The following GPRC5A variants were observed in gnomAD, a reference collection of about 807,000 sequenced individuals.
The protein encoded by GPRC5A is G protein-coupled receptor class C group 5 member A.
In GPRC5A, 19 loss-of-function variants were observed where a neutral mutation model predicts 22.5. The observed-to-expected ratio is 0.85, with a 90% CI of 0.59 to 1.24. The LOEUF (loss-of-function observed/expected upper bound fraction) is 1.24, where lower values mean the gene tolerates loss of function less well. Among genes scored for constraint, GPRC5A ranks in the 50% most tolerant of loss-of-function variants. GPRC5A has a pLI of 0.00. For synonymous variants in GPRC5A, 192 were observed against 184.5 expected, an observed-to-expected ratio of 1.04 and a Z score of -0.33; for missense variants, 471 against 451.1, an observed-to-expected ratio of 1.04 and a Z score of -0.40.
At position 12,914,589 on chromosome 12, in the gene GPRC5A, T is replaced by TTTCTTTCTTTCTTTCTTTCC. The variant is rs1565466570; in HGVS notation, c.*2058_*2059insTTCTTTCTTTCCTTCTTTCT. The TTTCTTTCTTTCTTTCTTTCC allele has an allele frequency of 1.0e-5, 1 of 97,648 alleles. No homozygotes were observed. Among genetic ancestry groups the TTTCTTTCTTTCTTTCTTTCC allele is most frequent in the Non-Finnish European group, 1.9e-5 (1 of 52,926 alleles). The allele number at this position is 97,648 out of a possible 1,614,324, so 6.0% of individuals were successfully genotyped here. On this transcript the variant is annotated 3_prime_UTR_variant, in exon 4 of 4. Transcript: ENST00000014914. ...CTTTCTTTCTTTCTTTCTTTCTTTC[T>TTTCTTTCTTTCTTTCTTTCC]TTCTTTCTCTCTCTCTCTCTCTCTC...
chr12:12,912,794 C>G lies in GPRC5A; in HGVS notation c.*255C>G. The G allele has an allele frequency of 4.4e-6, 2 of 454,660 alleles. No individual in the cohort carries two copies. The highest frequency in any genetic ancestry group is 7.7e-6 in the Non-Finnish European group (2 of 259,124). 28.2% of individuals were successfully genotyped at this position (454,660 alleles called of 1,614,324 possible). Reference sequence around the variant, plus strand: ...TTGGATACTTCTTTTAAGTGGGAGTCTCAGGCAACTCAAGTTTAGACCCTT... The same window carrying G: ...TTGGATACTTCTTTTAAGTGGGAGTGTCAGGCAACTCAAGTTTAGACCCTT... On this transcript the variant is annotated 3_prime_UTR_variant, in exon 4 of 4. Transcript: ENST00000014914.
chr12:12,908,757 G>A lies in GPRC5A; in HGVS notation c.508G>A (p.Ala170Thr), dbSNP rs748990419. 25 of 1,614,100 alleles carry A rather than the reference G, an allele frequency of 1.5e-5. No homozygotes were observed. Among genetic ancestry groups the A allele is most frequent in the Middle Eastern group, 1.6e-4 (1 of 6,062 alleles). ...CGTCAATGTCTTTTCTGAGCTTTCC[G>A]CTCCTCGTCGCAATGAAGACTTTGT... ...TNVNVFSELS[A>T]PRRNEDFVLL... is the part of the protein sequence containing the mutation. Residue 170 changes from alanine to threonine, a missense_variant, in exon 2 of 4, where the codon GCT becomes ACT. Coordinates refer to ENST00000014914, the MANE Select transcript of GPRC5A (RefSeq NM_003979.4).
rs1864082199 is a variant in GPRC5A at position 12,917,913 on chromosome 12, T to C, written c.*5374T>C. 6.6e-6 allele frequency: 1 copy of C among 152,102 alleles called. No individual in the cohort carries two copies. The highest frequency in any genetic ancestry group is 2.4e-5 in the African/African-American group (1 of 41,358). 9.4% of individuals were successfully genotyped at this position (152,102 alleles called of 1,614,324 possible). A position where few individuals can be genotyped will look rare whatever the true frequency, so the allele number is the denominator to read the frequency against. On this transcript the variant is annotated 3_prime_UTR_variant, in exon 4 of 4. Transcript: ENST00000014914. ...TATTTTCTAATCAGAGACAATAACA[T>C]TTTAAATAAAACAACGACAAAGAAG...
At position 12,909,140 on chromosome 12, in the gene GPRC5A, CAG is replaced by C; in HGVS notation, c.894_895del (p.Arg298SerfsTer12). On this transcript the variant is annotated frameshift_variant, in exon 2 of 4. Coordinates refer to ENST00000014914, the MANE Select transcript of GPRC5A (RefSeq NM_003979.4). LOFTEE classifies it high-confidence loss of function. ...TGAAGAAGAGCTATGGTGTGGAGAACAGAGCCTACTCTCAAGAGGAAATCACT... is the reference window on the plus strand; with the variant it reads ...TGAAGAAGAGCTATGGTGTGGAGAACAGCCTACTCTCAAGAGGAAATCACT... ...LVKKSYGVEN[R>X]AYSQEEITQG... 1 of 1,596,632 alleles carries C rather than the reference CAG, an allele frequency of 6.3e-7. No individual in the cohort carries two copies. Among genetic ancestry groups the C allele is most frequent in the Non-Finnish European group, 8.5e-7 (1 of 1,177,720 alleles).
chr12:12,901,282 C>T (rs1414268210), intron 1 of GPRC5A, among the ~76,000 whole-genome samples: 1 of 152,150 alleles, frequency 6.6e-6, no homozygotes, highest in Non-Finnish European at 1.5e-5. Context: ...AGGATTCATG[C>T]TTTCCTGGGA....
chr12:12,908,177 C>T (rs1863962094), intron 1 of GPRC5A, 66 bp from the exon 2 acceptor site: 2 of 1,108,606 alleles, frequency 1.8e-6, no homozygotes, highest in Non-Finnish European at 2.6e-6. Flanking sequence ...TTTTAGTCTT[C>T]TGTGTCTGAG....
At position 12,914,572 on chromosome 12, in the gene GPRC5A, C is replaced by CTTT. The variant is rs1565466548; in HGVS notation, c.*2034_*2036dup. ...TTCTTCTTTCTTTCTTTCTTTCTTT[C>CTTT]TTTCTTTCTTTCTTTCTTTCTTTCT... On this transcript the variant is annotated 3_prime_UTR_variant, in exon 4 of 4. Coordinates refer to ENST00000014914, the MANE Select transcript of GPRC5A (RefSeq NM_003979.4). 2.6e-5 allele frequency: 2 copies of CTTT among 77,210 alleles called. No individual in the cohort carries two copies. Among genetic ancestry groups the CTTT allele is most frequent in the African/African-American group, 1.6e-4 (2 of 12,330 alleles). 4.8% of individuals were successfully genotyped at this position (77,210 alleles called of 1,614,324 possible). A position where few individuals can be genotyped will look rare whatever the true frequency, so the allele number is the denominator to read the frequency against.
intron 1 of GPRC5A, among the ~76,000 whole-genome samples, chr12:12,905,751 G>T (rs1592350225): frequency 6.6e-6 from 1 of 152,192 alleles, no homozygotes; most frequent in South Asian, 2.1e-4. Flanking sequence ...TGGTCAAGGA[G>T]CTGGGTCTAA....
chr12:12,897,205 A>T (rs1041217661), intron 1 of GPRC5A, among the ~76,000 whole-genome samples: 32 of 134,064 alleles, frequency 2.4e-4, no homozygotes, highest in Non-Finnish European at 3.7e-4. Context: ...CCCAGGCTGG[A>T]GTACAGAGCA....
rs1223245661 is a variant in GPRC5A, at chr12:12,908,336, C to T, written c.87C>T (p.Ile29=). 12 of 1,613,732 alleles carry T rather than the reference C, an allele frequency of 7.4e-6. No individual in the cohort carries two copies. The highest frequency in any genetic ancestry group is 2.2e-5 in the East Asian group (1 of 44,898). The change falls in exon 2 of 4, where the codon ATC becomes ATT. Residue 29 remains isoleucine, a synonymous_variant. Coordinates refer to ENST00000014914, the MANE Select transcript of GPRC5A (RefSeq NM_003979.4). ...GTGATAAGGCTGAAGCTTGGGGCATCGTCCTAGAAACGGTGGCCACAGCCG... is the reference window on the plus strand; with the variant it reads ...GTGATAAGGCTGAAGCTTGGGGCATTGTCCTAGAAACGGTGGCCACAGCCG... ...RLCDKAEAWG[I]VLETVATAGV...
chr12:12,902,495 G>T (rs1197769531), intron 1 of GPRC5A, among the ~76,000 whole-genome samples: 2 of 152,090 alleles, frequency 1.3e-5, no homozygotes, highest in Non-Finnish European at 2.9e-5. Flanking sequence ...GGACATGGGG[G>T]CTCACACCTG....
chr12:12,908,453 G>A lies in GPRC5A; in HGVS notation c.204G>A (p.Gln68=), dbSNP rs1863965875. Residue 68 remains glutamine, a synonymous_variant, in exon 2 of 4, where the codon CAG becomes CAA. Coordinates refer to ENST00000014914, the MANE Select transcript of GPRC5A (RefSeq NM_003979.4). ...ACAGGCGAAAAATGCTGCCTACTCA[G>A]TTTCTCTTCCTCCTGGGTGTGTTGG... The part of the protein sequence containing the change: ...DSNRRKMLPT[Q]FLFLLGVLGI... 6.2e-7 allele frequency: 1 copy of A among 1,614,068 alleles called. No homozygotes were observed. The highest frequency in any genetic ancestry group is 2.2e-5 in the East Asian group (1 of 44,882).
chr12:12,904,871 A>C (rs1300327509), intron 1 of GPRC5A, among the ~76,000 whole-genome samples: 1 of 145,096 alleles, frequency 6.9e-6, no homozygotes, highest in Non-Finnish European at 1.5e-5. Context: ...CTAGTGGAAA[A>C]GAAAATTTTG....
At chr12:12,894,620 G>A (rs965256123) in intron 1 of GPRC5A, among the ~76,000 whole-genome samples, 3 of 151,794 alleles carry the variant, frequency 2.0e-5, no homozygotes, top group African/African-American at 7.3e-5. Flanking sequence ...TGTAGCCTAG[G>A]CTTGACTCAA....
chr12:12,893,711 G>A (rs1863789696), intron 1 of GPRC5A, among the ~76,000 whole-genome samples: 1 of 152,082 alleles, frequency 6.6e-6, no homozygotes, highest in African/African-American at 2.4e-5. Context: ...ATGGCCTATA[G>A]CCTCTTTCTG....
chr12:12,894,770 TG>T (rs1863802529), intron 1 of GPRC5A, among the ~76,000 whole-genome samples: 1 of 127,068 alleles, frequency 7.9e-6, no homozygotes, highest in South Asian at 2.6e-4. Flanking sequence ...AAGTCTAGGA[TG>T]GTTTTTTTTT....
Position 12,908,991 on chromosome 12 carries a change from G to A in GPRC5A, c.742G>A (p.Ala248Thr), listed in dbSNP as rs139710969. The change falls in exon 2 of 4, where the codon GCC (alanine) becomes ACC (threonine). Residue 248 changes from alanine to threonine, a missense_variant. Transcript: ENST00000014914. ...GTGGGATGACACCATCCTCAGCTCCGCCTTGGCTGCCAATGGCTGGGTGTT... is the reference window on the plus strand; with the variant it reads ...GTGGGATGACACCATCCTCAGCTCCACCTTGGCTGCCAATGGCTGGGTGTT... ...RRWDDTILSS[A>T]LAANGWVFLL... is the part of the protein sequence containing the mutation. 2.1e-5 allele frequency: 34 copies of A among 1,614,094 alleles called. No homozygotes were observed. In the East Asian group the frequency reaches 3.8e-4, roughly 18 times the overall value.
At chr12:12,900,310 G>A (rs1439721034) in intron 1 of GPRC5A, among the ~76,000 whole-genome samples, 9 of 152,228 alleles carry the variant, frequency 5.9e-5, no homozygotes, top group African/African-American at 1.4e-4. Context: ...ACATCTGGAA[G>A]TTTTGTACAT....
rs773420923 is a variant in GPRC5A, at chr12:12,908,433, C to T, written c.184C>T (p.Arg62Ter). 18 of 1,613,758 alleles carry T rather than the reference C, an allele frequency of 1.1e-5. No individual in the cohort carries two copies. Among genetic ancestry groups the T allele is most frequent in the East Asian group, 8.9e-5 (4 of 44,898 alleles). Residue 62 changes from arginine (R) to a stop codon, truncating the protein, a stop_gained, in exon 2 of 4, where the codon CGA (arginine) becomes TGA (stop). Transcript: ENST00000014914. LOFTEE classifies it high-confidence loss of function. ...CTGCAAGGTGCAGGACTCCAACAGG[C>T]GAAAAATGCTGCCTACTCAGTTTCT... ...LVCKVQDSNR[R>*]KMLPTQFLFL...
Sources: gnomAD v4.1 joint callset for allele counts (sites outside exome capture counted in the v4.1 genomes callset) on GRCh38, gnomAD v4.1.1 for gene constraint, MANE v1.5 for transcripts, NCBI Gene and HGNC (gene_info 2026-07-23, HGNC 2026-07-21) for gene names.